The following GK5 variants were observed in gnomAD, a reference collection of about 807,000 sequenced individuals.
GK5 encodes glycerol kinase 5.
GK5 carries 39 observed loss-of-function variants against 77.3 expected under a neutral mutation model. That is an observed-to-expected ratio of 0.50 (90% CI 0.39 to 0.66). The LOEUF is 0.66. GK5 is among the 30% of genes least tolerant of loss of function. The pLI, the probability that GK5 is intolerant of heterozygous loss-of-function variation, is 0.00. For synonymous variants in GK5, 211 were observed against 208.0 expected (o/e 1.01, Z -0.13); for missense variants, 487 against 633.8 (o/e 0.77, Z 2.49).
rs778994662 is a variant in GK5, at chr3:142,181,466, T to G, written c.1043A>C (p.Gln348Pro). 1.2e-6 allele frequency: 2 copies of G among 1,600,972 alleles called. No homozygotes were observed. The highest frequency in any genetic ancestry group is 8.5e-7 in the Non-Finnish European group (1 of 1,171,226). The change falls in exon 11 of 16, where the codon CAG becomes CCG. Residue 348 changes from glutamine (Q) to proline (P), a missense_variant. Physicochemically the swap from Gln to Pro is moderately conservative, Grantham distance 76. This residue lies in a region of GK5 where 323 missense variants were observed against 437.4 expected (regional missense o/e 0.74). Coordinates refer to ENST00000392993, the MANE Select transcript of GK5 (RefSeq NM_001039547.3). ...CCATTTAAAAGACAACTTACCTAAC[T>G]GCTGAGCCCATTTTATGGCAGTACC... Reference protein sequence around the residue: ...DTGTAIKWAQQLDLFTDAAET... With the variant: ...DTGTAIKWAQPLDLFTDAAET...
chr3:142,178,543 T>G (rs2063652279), intron 11 of GK5, among the ~76,000 whole-genome samples: 2 of 152,262 alleles, frequency 1.3e-5, no homozygotes, highest in South Asian at 4.1e-4. Context: ...TACAAATTTC[T>G]TTTGTTAAAC....
intron 4 of GK5, chr3:142,204,355 T>C (rs1451310684): frequency 2.9e-6 from 1 of 341,042 alleles, no homozygotes; most frequent in African/African-American, 2.1e-5. Flanking sequence ...TTATCTATAA[T>C]ATCTCAATAT....
rs1395305843 is a variant in GK5 at position 142,204,786 on chromosome 3, T to C, written c.320A>G (p.Lys107Arg). The C allele has an allele frequency of 2.0e-6, 3 of 1,521,248 alleles. No homozygotes were observed. The highest frequency in any genetic ancestry group is 2.4e-5 in the South Asian group (2 of 85,102). 94.2% of individuals were successfully genotyped at this position (1,521,248 alleles called of 1,614,324 possible). ...QRATFITWNKKTGNHFHNFIS... is the reference protein window; with the variant it reads ...QRATFITWNKRTGNHFHNFIS... ...AAAGTTGTGAAAATGATTTCCTGTT[T>C]TCCTAGAAAGAATAAAACAGTATTT... Residue 107 changes from lysine to arginine, a missense_variant and splice_region_variant, in exon 4 of 16, where the codon AAA (lysine) becomes AGA (arginine). Around this residue, in one of 4 missense-constraint regions of GK5, gnomAD observed 323 missense variants for 437.4 expected, o/e 0.74. Transcript: ENST00000392993.
Position 142,168,109 on chromosome 3 carries a change from T to C in GK5, c.1441+2216A>G, listed in dbSNP as rs572172088. On this transcript the variant is annotated intron_variant, in intron 15 of 15. Transcript: ENST00000392993. ...CAAGAGAATCTGACTTATTTAGTCT[T>C]ATAAGGTGAAAAGTGTAGAAGAATT... Among the ~76,000 whole-genome samples, 35 of 152,360 alleles carry C rather than the reference T, an allele frequency of 2.3e-4. No homozygotes were observed. The South Asian group carries it at 7.0e-3, about 31-fold the overall frequency.
chr3:142,215,556 A>G (rs1281631860), intron 2 of GK5, 43 bp downstream of exon 2: 1 of 1,088,860 alleles, frequency 9.2e-7, no homozygotes, highest in Non-Finnish European at 1.3e-6. Context: ...TATTACAAAA[A>G]AAAAACCATA....
At chr3:142,213,470 T>C in intron 3 of GK5, 56 bp downstream of exon 3, 5 of 981,044 alleles carry the variant, frequency 5.1e-6, no homozygotes, top group Admixed American at 1.7e-5. Context: ...TTCATAACCG[T>C]GTACTCACTG....
chr3:142,204,510 G>T, intron 4 of GK5, 185 bp downstream of exon 4: 1 of 651,538 alleles, frequency 1.5e-6, no homozygotes, highest in South Asian at 1.6e-5. Context: ...ACTTCCTGAG[G>T]TACAAGTACT....
chr3:142,223,060 T>A (rs764801638), intron 1 of GK5, among the ~76,000 whole-genome samples: 2 of 152,222 alleles, frequency 1.3e-5, no homozygotes, highest in Non-Finnish European at 2.9e-5. Flanking sequence ...TTTACTCATA[T>A]CTTTCTTTTA....
At chr3:142,211,913 A>G (rs2064192944) in intron 3 of GK5, among the ~76,000 whole-genome samples, 1 of 152,068 alleles carries the variant, frequency 6.6e-6, no homozygotes, top group Non-Finnish European at 1.5e-5. Flanking sequence ...AAAACCAAAC[A>G]TTTTATCATT....
chr3:142,171,408 A>G lies in GK5; in HGVS notation c.1307+11T>C, dbSNP rs571691291. 2.0e-6 allele frequency: 3 copies of G among 1,477,552 alleles called. No homozygotes were observed. Among genetic ancestry groups the G allele is most frequent in the Admixed American group, 2.2e-5 (1 of 44,718 alleles). 91.5% of individuals were successfully genotyped at this position (1,477,552 alleles called of 1,614,324 possible). ...TTCTAATTAAGTCTATTAGAAATAA[A>G]CTTTACATACCGGATTTTTCTTACA... On this transcript the variant is annotated intron_variant, in intron 14 of 15. Transcript: ENST00000392993.
chr3:142,182,381 A>G (rs997908163), intron 10 of GK5, among the ~76,000 whole-genome samples: 1 of 151,826 alleles, frequency 6.6e-6, no homozygotes, highest in Non-Finnish European at 1.5e-5. Context: ...GTCTCACTGC[A>G]TCACCCAGGC....
intron 9 of GK5, chr3:142,185,684 T>C (rs1205699545): frequency 2.2e-6 from 3 of 1,375,998 alleles, no homozygotes; most frequent in South Asian, 1.4e-5. Context: ...ATAAACAATA[T>C]ACAAGCAAGT....
intron 1 of GK5, among the ~76,000 whole-genome samples, chr3:142,217,120 GAC>G (rs2064284618): frequency 6.6e-6 from 1 of 152,148 alleles, no homozygotes; most frequent in African/African-American, 2.4e-5. Flanking sequence ...ATGCCAAGAT[GAC>G]ACAGATATCT....
At chr3:142,186,630 C>CTTTT (rs781196956) in intron 6 of GK5, 117 bp from the exon 7 acceptor site, 26 of 262,426 alleles carry the variant, frequency 9.9e-5, no homozygotes, top group South Asian at 3.4e-4. Context: ...TGTGTATTTT[C>CTTTT]TTTTTTTTTT....
rs1201692970 is a variant in GK5, at chr3:142,199,006, C to T, written c.412-73G>A. The stretch of plus-strand genomic sequence containing the variant: ...AAAATTTCCACATCAATTCTATATA[C>T]ATGCAAACAAACCCAATAACAAGTC... On this transcript the variant is annotated intron_variant, in intron 4 of 15. Transcript: ENST00000392993. The T allele has an allele frequency of 2.8e-6, 3 of 1,088,436 alleles. No individual in the cohort carries two copies. In the East Asian group the frequency reaches 8.1e-5, roughly 29 times the overall value. 67.4% of individuals were successfully genotyped at this position (1,088,436 alleles called of 1,614,324 possible).
intron 1 of GK5, among the ~76,000 whole-genome samples, chr3:142,218,466 C>T (rs1478062487): frequency 4.0e-5 from 6 of 148,580 alleles, no homozygotes; most frequent in South Asian, 2.2e-4. Flanking sequence ...TGCTTGAACC[C>T]GGAAGGCAGA....
intron 4 of GK5, 123 bp downstream of exon 4, chr3:142,204,572 G>C: frequency 1.3e-6 from 1 of 742,276 alleles, no homozygotes; most frequent in Admixed American, 1.9e-5. Context: ...TCACTGGAAT[G>C]GGGAGTGTGT....
At chr3:142,187,557 A>G (rs2063789041) in intron 6 of GK5, 147 bp downstream of exon 6, 1 of 636,382 alleles carries the variant, frequency 1.6e-6, no homozygotes, top group East Asian at 2.8e-5. Context: ...GTGAGCCATG[A>G]TTACACCATT....
At chr3:142,169,243 C>A (rs988065287) in intron 15 of GK5, among the ~76,000 whole-genome samples, 4 of 152,234 alleles carry the variant, frequency 2.6e-5, no homozygotes, top group African/African-American at 9.6e-5. Flanking sequence ...TGACCAAACT[C>A]CACTCAGGCT....
Sources: allele counts gnomAD v4.1 joint callset (sites outside exome capture counted in the v4.1 genomes callset), GRCh38; gene constraint gnomAD v4.1.1; regional missense constraint gnomAD v4.1.1; transcripts MANE v1.5; gene names NCBI Gene and HGNC (gene_info 2026-07-23, HGNC 2026-07-21).